The following TSHZ2 variants were observed in gnomAD, a reference collection of about 807,000 sequenced individuals.
The protein encoded by TSHZ2 is teashirt homolog 2.
A neutral mutation model predicts 74.4 loss-of-function variants in TSHZ2; 21 were observed. That is an observed-to-expected ratio of 0.28 (90% CI 0.20 to 0.41). TSHZ2 has a LOEUF of 0.41. Ranked by LOEUF, TSHZ2 falls within the 10% of genes least tolerant of loss-of-function variation. The probability of loss-of-function intolerance (pLI) is 1.00; values close to 1 mark genes in which losing one functional copy is unlikely to be tolerated. For missense variants in TSHZ2, 1,244 were observed against 1,293.5 expected (o/e 0.96, Z 0.59); for synonymous variants, 540 against 515.3 (o/e 1.05, Z -0.65).
chr20:53,337,899 T>G (rs377721724), intron 2 of TSHZ2, among the ~76,000 whole-genome samples: 1 of 152,226 alleles, frequency 6.6e-6, no homozygotes, highest in South Asian at 2.1e-4. Flanking sequence ...TCATGTGAGT[T>G]GCTTAGTCAT....
intron 2 of TSHZ2, among the ~76,000 whole-genome samples, chr20:53,463,480 G>A (rs1318863847): frequency 7.5e-6 from 1 of 132,842 alleles, no homozygotes; most frequent in Non-Finnish European, 1.7e-5. Flanking sequence ...TAGGGGGTAG[G>A]GAGAGGAAAG....
intron 1 of TSHZ2, among the ~76,000 whole-genome samples, chr20:53,112,687 A>C (rs556682834): frequency 6.6e-6 from 1 of 152,088 alleles, no homozygotes; most frequent in African/African-American, 2.4e-5. Context: ...TAATTTTTGT[A>C]TGTTTTGTAG....
intron 1 of TSHZ2, among the ~76,000 whole-genome samples, chr20:53,083,475 C>G (rs1358630092): frequency 6.6e-6 from 1 of 152,166 alleles, no homozygotes; most frequent in African/African-American, 2.4e-5. Context: ...TTCGCCATAT[C>G]TACTTCTTTC....
At chr20:53,099,654 G>T (rs924665011) in intron 1 of TSHZ2, among the ~76,000 whole-genome samples, 11 of 152,180 alleles carry the variant, frequency 7.2e-5, no homozygotes, top group Non-Finnish European at 1.5e-4. Flanking sequence ...GGCGGAAGGC[G>T]AAAGGCATGT....
At chr20:52,975,080 G>C (rs916208763) in intron 1 of TSHZ2, among the ~76,000 whole-genome samples, 2 of 152,110 alleles carry the variant, frequency 1.3e-5, no homozygotes, top group Admixed American at 6.5e-5. Context: ...GACAGCGTGT[G>C]GATGTGTTCA....
chr20:53,012,894 G>A (rs139456991), intron 1 of TSHZ2, among the ~76,000 whole-genome samples: 27 of 152,078 alleles, frequency 1.8e-4, no homozygotes, highest in Non-Finnish European at 3.2e-4. Flanking sequence ...TCAAAAAAAC[G>A]ACCAAATGCT....
At chr20:53,440,961 G>A (rs1435463643) in intron 2 of TSHZ2, among the ~76,000 whole-genome samples, 1 of 152,154 alleles carries the variant, frequency 6.6e-6, no homozygotes, top group Admixed American at 6.5e-5. Context: ...GAGAACCATT[G>A]TCACAGACTA....
At chr20:53,438,349 A>C (rs1984175479) in intron 2 of TSHZ2, among the ~76,000 whole-genome samples, 1 of 152,062 alleles carries the variant, frequency 6.6e-6, no homozygotes, top group African/African-American at 2.4e-5. Context: ...AGCTCAGGCA[A>C]TACCCAAGTG....
At chr20:52,987,481 C>T (rs1464407212) in intron 1 of TSHZ2, among the ~76,000 whole-genome samples, 1 of 148,112 alleles carries the variant, frequency 6.8e-6, no homozygotes, top group African/African-American at 2.5e-5. Context: ...TTTCTCTCTC[C>T]TCTCTCTCTC....
intron 2 of TSHZ2, among the ~76,000 whole-genome samples, chr20:53,261,557 TCTTC>T (rs1990601440): frequency 6.6e-6 from 1 of 152,182 alleles, no homozygotes; most frequent in Admixed American, 6.5e-5. Flanking sequence ...AAATGCATCG[TCTTC>T]CTTAACGTTT....
intron 2 of TSHZ2, among the ~76,000 whole-genome samples, chr20:53,367,053 C>T (rs1981288048): frequency 6.6e-6 from 1 of 152,104 alleles, no homozygotes; most frequent in African/African-American, 2.4e-5. Flanking sequence ...CTGCATAGTG[C>T]CTCATTATTC....
chr20:53,343,444 C>T (rs745706544), intron 2 of TSHZ2, among the ~76,000 whole-genome samples: 4 of 152,160 alleles, frequency 2.6e-5, no homozygotes, highest in East Asian at 1.9e-4. Context: ...GGAGCTCCAA[C>T]TGTCGGCAGA....
intron 2 of TSHZ2, among the ~76,000 whole-genome samples, chr20:53,380,435 G>T: frequency 6.6e-6 from 1 of 152,130 alleles, no homozygotes; most frequent in South Asian, 2.1e-4. Flanking sequence ...GAATATTAAG[G>T]AAATAATTGA....
In TSHZ2 at chr20:53,454,424, T is replaced by C. The variant is rs972844283; in HGVS notation, c.*9-32720T>C. ...TAAAAATACAAAAATTAGCCGGGCA[T>C]GGTGGCACGTGCCTGTAGTCCCAGC... is the stretch of plus-strand genomic sequence containing the variant. On this transcript the variant is annotated intron_variant, in intron 2 of 2. Transcript: ENST00000371497. Among the ~76,000 whole-genome samples the C allele has an allele frequency of 8.6e-5, 13 of 151,876 alleles. 1 individual carries two copies. Among genetic ancestry groups the C allele is most frequent in the African/African-American group, 3.1e-4 (13 of 41,336 alleles).
chr20:53,442,966 G>A (rs1179550619), intron 2 of TSHZ2, among the ~76,000 whole-genome samples: 1 of 152,224 alleles, frequency 6.6e-6, no homozygotes, highest in East Asian at 1.9e-4. Flanking sequence ...TTCAGTTTGT[G>A]TGCAGGAACT....
chr20:53,051,416 A>C (rs1425978270), intron 1 of TSHZ2, among the ~76,000 whole-genome samples: 1 of 151,336 alleles, frequency 6.6e-6, no homozygotes, highest in East Asian at 1.9e-4. Flanking sequence ...GTGGGTACCA[A>C]ATCTAAAGAA....
At chr20:53,348,147 C>T (rs1203399629) in intron 2 of TSHZ2, among the ~76,000 whole-genome samples, 1 of 152,180 alleles carries the variant, frequency 6.6e-6, no homozygotes, top group Non-Finnish European at 1.5e-5. Flanking sequence ...CATTCCTAGG[C>T]ATACATACAA....
intron 1 of TSHZ2, among the ~76,000 whole-genome samples, chr20:53,069,172 C>T (rs369242468): frequency 7.9e-5 from 12 of 152,074 alleles, no homozygotes; most frequent in African/African-American, 2.4e-4. Flanking sequence ...TTTCTCTGCG[C>T]CATGTGAAAT....
At chr20:53,192,363 A>G (rs1010395264) in intron 1 of TSHZ2, among the ~76,000 whole-genome samples, 1 of 152,138 alleles carries the variant, frequency 6.6e-6, no homozygotes, top group African/African-American at 2.4e-5. Context: ...AAGGACAAGG[A>G]CAACCTCCTT....
Sources: allele counts gnomAD v4.1 joint callset (sites outside exome capture counted in the v4.1 genomes callset), GRCh38; gene constraint gnomAD v4.1.1; transcripts MANE v1.5; gene names NCBI Gene and HGNC (gene_info 2026-07-23, HGNC 2026-07-21).